DECR1: variants seen among roughly 807,000 people sequenced by gnomAD.
The protein encoded by DECR1 is 2,4-dienoyl-CoA reductase [(3E)-enoyl-CoA-producing], mitochondrial.
DECR1 carries 44 observed loss-of-function variants against 38.8 expected under a neutral mutation model. That is an observed-to-expected ratio of 1.13 (90% CI 0.89 to 1.46). The LOEUF is 1.46. Ranked by LOEUF, DECR1 falls within the 40% of genes most tolerant of loss-of-function variation. The probability of loss-of-function intolerance (pLI) is 0.00; values close to 1 mark genes in which losing one functional copy is unlikely to be tolerated. For missense variants in DECR1, 428 were observed against 405.5 expected (o/e 1.06, Z -0.48); for synonymous variants, 148 against 135.2 (o/e 1.09, Z -0.66).
At chr8:90,043,814 TG>T (rs1354786238) in intron 7 of DECR1, among the ~76,000 whole-genome samples, 1 of 152,188 alleles carries the variant, frequency 6.6e-6, no homozygotes, top group Non-Finnish European at 1.5e-5. Context: ...TTAAAACACA[TG>T]ATTCAGGGTG....
rs112343385 is a variant in DECR1 at position 90,041,569 on chromosome 8, A to G, written c.666-1159A>G. 7.6e-3 allele frequency among the ~76,000 whole-genome samples: 1,150 copies of G among 152,148 alleles called. 8 individuals carry two copies. The highest frequency in any genetic ancestry group is 0.037 in the South Asian group (176 of 4,820). ...CTTAAGGAGATTGTTATACTGTACA[A>G]TTTTCCTTTTGTAAGTCTAGAAAGA... is the stretch of plus-strand genomic sequence containing the variant. On this transcript the variant is annotated intron_variant, in intron 6 of 9. Coordinates refer to ENST00000220764, the MANE Select transcript of DECR1 (RefSeq NM_001359.2).
At chr8:90,006,087 C>A (rs1179504132) in intron 1 of DECR1, 2 of 644,296 alleles carry the variant, frequency 3.1e-6, no homozygotes, top group Non-Finnish European at 5.6e-6. Context: ...ATAACCCAGG[C>A]ACCTCCCATT....
intron 5 of DECR1, among the ~76,000 whole-genome samples, chr8:90,024,241 G>C (rs925652318): frequency 2.6e-5 from 4 of 152,208 alleles, no homozygotes; most frequent in Non-Finnish European, 4.4e-5. Context: ...CCAGTAATGG[G>C]ATGGCTGGGT....
At chr8:90,017,405 C>T in intron 2 of DECR1, 79 bp downstream of exon 2, 1 of 1,082,452 alleles carries the variant, frequency 9.2e-7, no homozygotes, top group Non-Finnish European at 1.3e-6. Flanking sequence ...ACACTGTTCG[C>T]CAGAGTTGTT....
At chr8:90,033,235 A>G (rs559784807) in intron 5 of DECR1, among the ~76,000 whole-genome samples, 1 of 152,298 alleles carries the variant, frequency 6.6e-6, no homozygotes, top group African/African-American at 2.4e-5. Flanking sequence ...TCTTGCACAT[A>G]TCATAGCTTT....
chr8:90,018,035 T>C (rs1396411694), intron 2 of DECR1, among the ~76,000 whole-genome samples: 2 of 152,064 alleles, frequency 1.3e-5, no homozygotes, highest in Non-Finnish European at 2.9e-5. Flanking sequence ...TACAGGCGCC[T>C]GCCACCACAC....
chr8:90,025,907 A>G (rs1395026980), intron 5 of DECR1, among the ~76,000 whole-genome samples: 3 of 152,086 alleles, frequency 2.0e-5, no homozygotes, highest in Non-Finnish European at 4.4e-5. Context: ...TCAATACCTA[A>G]TTTATTGAGA....
chr8:90,036,065 G>T (rs982580131), intron 5 of DECR1, among the ~76,000 whole-genome samples: 1 of 152,024 alleles, frequency 6.6e-6, no homozygotes, highest in Non-Finnish European at 1.5e-5. Context: ...TCTTTGCCTG[G>T]CCTCAATGGA....
intron 1 of DECR1, among the ~76,000 whole-genome samples, chr8:90,013,411 T>G (rs1400618206): frequency 6.8e-6 from 1 of 147,522 alleles, no homozygotes; most frequent in African/African-American, 2.5e-5. Context: ...TTTTTTTTTT[T>G]TTTTTTTTTT....
At chr8:90,045,134 T>A (rs1186479764) in intron 8 of DECR1, 139 bp downstream of exon 8, 2 of 653,818 alleles carry the variant, frequency 3.1e-6, no homozygotes, top group Non-Finnish European at 4.9e-6. Context: ...ATATAAAATA[T>A]TATATATATT....
intron 5 of DECR1, among the ~76,000 whole-genome samples, chr8:90,031,142 C>A (rs917489633): frequency 3.3e-5 from 5 of 152,076 alleles, no homozygotes; most frequent in Non-Finnish European, 7.4e-5. Flanking sequence ...ACTTATTAGT[C>A]CTATCAACTT....
chr8:90,015,710 G>A (rs759042495), intron 1 of DECR1: 1 of 455,432 alleles, frequency 2.2e-6, no homozygotes, highest in Non-Finnish European at 4.4e-6. Context: ...TTGCCACCAT[G>A]ACCTAATGGA....
intron 1 of DECR1, among the ~76,000 whole-genome samples, chr8:90,007,021 A>C (rs1252563848): frequency 2.6e-5 from 4 of 152,138 alleles, no homozygotes; most frequent in Admixed American, 6.5e-5. Context: ...TATATAGATA[A>C]ATAAGCTACA....
chr8:90,044,260 C>G (rs940642920), intron 7 of DECR1, among the ~76,000 whole-genome samples: 1 of 152,164 alleles, frequency 6.6e-6, no homozygotes, highest in African/African-American at 2.4e-5. Flanking sequence ...GCCACCTAAA[C>G]TTCAAGGCAC....
At chr8:90,047,538 TCCTTAGAGA>T (rs2130172564) in intron 8 of DECR1, among the ~76,000 whole-genome samples, 1 of 152,204 alleles carries the variant, frequency 6.6e-6, no homozygotes, top group Non-Finnish European at 1.5e-5. Flanking sequence ...ATAAAGCAAG[TCCTTAGAGA>T]CCTACAAAGA....
At chr8:90,006,059 C>G in intron 1 of DECR1, 1 of 625,766 alleles carries the variant, frequency 1.6e-6, no homozygotes, top group Non-Finnish European at 2.9e-6. Flanking sequence ...CTACGACATT[C>G]ATGATGGATC....
chr8:90,017,152 A>G lies in DECR1; in HGVS notation c.98A>G (p.Tyr33Cys). 6.2e-7 allele frequency: 1 copy of G among 1,613,950 alleles called. No homozygotes were observed. The highest frequency in any genetic ancestry group is 8.5e-7 in the Non-Finnish European group (1 of 1,179,806). The change falls in exon 2 of 10, where the codon TAT (tyrosine) becomes TGT (cysteine). Residue 33 changes from tyrosine (Y) to cysteine (C), a missense_variant. Coordinates refer to ENST00000220764, the MANE Select transcript of DECR1 (RefSeq NM_001359.2). ...RFFSYGTKIL[Y>C]QNTEALQSKF... ...TTCAGTTATGGGACAAAAATATTATATCAAAACACTGAAGCTTTGCAATCT... is the reference window on the plus strand; with the variant it reads ...TTCAGTTATGGGACAAAAATATTATGTCAAAACACTGAAGCTTTGCAATCT...
intron 2 of DECR1, among the ~76,000 whole-genome samples, chr8:90,017,554 C>T (rs967597568): frequency 3.3e-5 from 5 of 152,026 alleles, no homozygotes; most frequent in African/African-American, 7.3e-5. Context: ...GGTAAACATC[C>T]GCAATTTTCA....
chr8:90,035,546 AT>A (rs1282991219), intron 5 of DECR1, among the ~76,000 whole-genome samples: 1 of 151,404 alleles, frequency 6.6e-6, no homozygotes, highest in Non-Finnish European at 1.5e-5. Context: ...TGTATTTTCC[AT>A]TTTTCTCATC....
Sources: gnomAD v4.1 joint callset for allele counts (sites outside exome capture counted in the v4.1 genomes callset) on GRCh38, gnomAD v4.1.1 for gene constraint, MANE v1.5 for transcripts, NCBI Gene and HGNC (gene_info 2026-07-23, HGNC 2026-07-21) for gene names.